YWHAZ: variants seen among roughly 807,000 people sequenced by gnomAD.
YWHAZ encodes the protein 14-3-3 protein zeta/delta.
For missense variants in YWHAZ, 79 were observed against 284.8 expected, an observed-to-expected ratio of 0.28 and a Z score of 5.20; for synonymous variants, 87 against 103.6, an observed-to-expected ratio of 0.84 and a Z score of 0.97.
Position 100,919,919 on chromosome 8 carries a change from A to G in YWHAZ, c.*774T>C, listed in dbSNP as rs1490649428. 1.3e-5 allele frequency: 2 copies of G among 152,558 alleles called. No homozygotes were observed. The highest frequency in any genetic ancestry group is 2.9e-5 in the Non-Finnish European group (2 of 68,034). 9.5% of individuals were successfully genotyped at this position (152,558 alleles called of 1,614,324 possible). On this transcript the variant is annotated 3_prime_UTR_variant, in exon 6 of 6. Coordinates refer to ENST00000395958, the MANE Select transcript of YWHAZ (RefSeq NM_145690.3). The stretch of plus-strand genomic sequence containing the variant: ...AAAATCCTAAAAAAAAGTTAAATAC[A>G]TGGGTTTTTGTTTTACTGCTGTGCT...
chr8:100,950,706 G>A (rs1428499429), intron 1 of YWHAZ: 3 of 619,688 alleles, frequency 4.8e-6, no homozygotes, highest in Non-Finnish European at 6.0e-6. Flanking sequence ...CCGGGGCAGA[G>A]ACGCCACAGC....
At chr8:100,939,143 G>A (rs2130270178) in intron 2 of YWHAZ, among the ~76,000 whole-genome samples, 1 of 152,230 alleles carries the variant, frequency 6.6e-6, no homozygotes, top group East Asian at 1.9e-4. Flanking sequence ...TAAAAGAGTA[G>A]CTGCTCCCTG....
Position 100,948,524 on chromosome 8 carries a change from A to T in YWHAZ, c.294+72T>A. 1 of 1,480,724 alleles carries T rather than the reference A, an allele frequency of 6.8e-7. No individual in the cohort carries two copies. The highest frequency in any genetic ancestry group is 9.1e-7 in the Non-Finnish European group (1 of 1,103,210). The allele number at this position is 1,480,724 out of a possible 1,614,324, so 91.7% of individuals were successfully genotyped here. On this transcript the variant is annotated intron_variant, in intron 2 of 5. Coordinates refer to ENST00000395958, the MANE Select transcript of YWHAZ (RefSeq NM_145690.3). The surrounding 1 kb of genome is among the most constrained non-coding windows in gnomAD (Gnocchi z 4.2). ...GAAGGAAAAGAAAAACCAAACAAAA[A>T]GTTAAGAGTAATGTAACTGATACTC...
chr8:100,951,627 A>AT (rs1401867397), intron 1 of YWHAZ: 1 of 984,326 alleles, frequency 1.0e-6, no homozygotes, highest in African/African-American at 1.8e-5. Context: ...CGACAGGGAG[A>AT]TCCCCAGGGA....
chr8:100,950,660 G>GGT (rs1810667637), intron 1 of YWHAZ: 3 of 903,654 alleles, frequency 3.3e-6, no homozygotes, highest in African/African-American at 3.6e-5. Flanking sequence ...CAAGCCGTGG[G>GGT]GGGGGGGGAG....
chr8:100,935,633 G>T (rs948231938), intron 2 of YWHAZ, among the ~76,000 whole-genome samples: 32 of 152,168 alleles, frequency 2.1e-4, no homozygotes, highest in African/African-American at 7.5e-4. Context: ...TAAGCTCCAG[G>T]TTTCTATGTA....
chr8:100,934,416 T>A (rs1813989483), intron 2 of YWHAZ, among the ~76,000 whole-genome samples: 1 of 149,856 alleles, frequency 6.7e-6, no homozygotes, highest in Admixed American at 6.7e-5. Flanking sequence ...AGTGAGGAGG[T>A]ACGGGCTGGT....
rs534380494 is a variant in YWHAZ at position 100,924,856 on chromosome 8, G to A, written c.418+60C>T. Reference sequence around the variant, plus strand: ...AACAAGACATTATGTACGCTTCAGAGACTCTTCCTCACTATGTTATCTTAT... The same window carrying A: ...AACAAGACATTATGTACGCTTCAGAAACTCTTCCTCACTATGTTATCTTAT... On this transcript the variant is annotated intron_variant, in intron 3 of 5. Coordinates refer to ENST00000395958, the MANE Select transcript of YWHAZ (RefSeq NM_145690.3). The surrounding 1 kb of genome is among the most constrained non-coding windows in gnomAD (Gnocchi z 5.7). 103 of 1,602,072 alleles carry A rather than the reference G, an allele frequency of 6.4e-5. No individual in the cohort carries two copies. The South Asian group carries it at 1.1e-3, about 17-fold the overall frequency.
chr8:100,952,201 G>C, upstream of YWHAZ: 1 of 976,632 alleles, frequency 1.0e-6, no homozygotes, highest in Non-Finnish European at 1.2e-6. Context: ...CGCTCGTCCT[G>C]CCCGCCCGCG....
chr8:100,928,641 G>A (rs1813535131), intron 2 of YWHAZ, among the ~76,000 whole-genome samples: 1 of 151,802 alleles, frequency 6.6e-6, no homozygotes, highest in Non-Finnish European at 1.5e-5. Context: ...GCTGAGGCAG[G>A]AGAATCACTT....
chr8:100,952,910 C>T, upstream of YWHAZ: 1 of 1,000,446 alleles, frequency 1.0e-6, no homozygotes, highest in South Asian at 4.7e-5. Flanking sequence ...AGTGAGGCGT[C>T]CAGCCCCTGA....
At chr8:100,952,488 G>GC (rs2130398830), upstream of YWHAZ, 1 of 154,664 alleles carries the variant, frequency 6.5e-6, no homozygotes, top group African/African-American at 2.4e-5. Context: ...CTTTCGCTCA[G>GC]CCCGTCTGCG....
intron 2 of YWHAZ, among the ~76,000 whole-genome samples, chr8:100,946,906 AC>A (rs1810326782): frequency 6.6e-6 from 1 of 150,866 alleles, no homozygotes; most frequent in Non-Finnish European, 1.5e-5. Context: ...AACAAAAAAA[AC>A]AAAAAAACCC....
At chr8:100,942,642 C>T (rs745967782) in intron 2 of YWHAZ, among the ~76,000 whole-genome samples, 9 of 152,078 alleles carry the variant, frequency 5.9e-5, no homozygotes, top group Non-Finnish European at 1.5e-5. Context: ...AGTCCTAAAT[C>T]GAGTAATGAA....
Position 100,948,605 on chromosome 8 carries a change from A to G in YWHAZ, c.285T>C (p.Asn95=), listed in dbSNP as rs1187220983. 6.8e-6 allele frequency: 11 copies of G among 1,611,376 alleles called. No individual in the cohort carries two copies. The highest frequency in any genetic ancestry group is 8.5e-6 in the Non-Finnish European group (10 of 1,179,790). Residue 95 remains asparagine (N), a synonymous_variant, in exon 2 of 6, where the codon AAT becomes AAC. Coordinates refer to ENST00000395958, the MANE Select transcript of YWHAZ (RefSeq NM_145690.3). The surrounding 1 kb of genome is among the most constrained non-coding windows in gnomAD (Gnocchi z 4.2). ...CTGAATTGATTCTCACCAGTACATC[A>G]TTGCAGATATCTCTTAGCTCCGTCT... The part of the protein sequence containing the change: ...KIETELRDIC[N]DVLSLLEKFL...
chr8:100,951,219 C>G (rs1810742637), intron 1 of YWHAZ: 2 of 984,996 alleles, frequency 2.0e-6, no homozygotes. Context: ...CGGCGCGCAG[C>G]CTCGCCCCGG....
At chr8:100,952,022 C>T, upstream of YWHAZ, 2 of 994,758 alleles carry the variant, frequency 2.0e-6, no homozygotes, top group Non-Finnish European at 2.4e-6. Flanking sequence ...GACTCTGTCC[C>T]TGGATCTCGC....
At chr8:100,951,847 G>A (rs1810813583) in intron 1 of YWHAZ, 82 bp downstream of exon 1, 6 of 986,772 alleles carry the variant, frequency 6.1e-6, no homozygotes, top group Admixed American at 1.2e-4. Flanking sequence ...GGGATGAGGG[G>A]ACGGAGCGAG....
At chr8:100,944,062 G>C (rs1810087445) in intron 2 of YWHAZ, among the ~76,000 whole-genome samples, 1 of 151,746 alleles carries the variant, frequency 6.6e-6, no homozygotes, top group Non-Finnish European at 1.5e-5. Flanking sequence ...CACAGAACTG[G>C]GATTATTTAT....
Sources: allele counts gnomAD v4.1 joint callset (sites outside exome capture counted in the v4.1 genomes callset), GRCh38; gene constraint gnomAD v4.1.1; non-coding constraint Gnocchi (gnomAD v3.1); transcripts MANE v1.5; gene names NCBI Gene and HGNC (gene_info 2026-07-23, HGNC 2026-07-21).